ARHGAP30: variants seen among roughly 807,000 people sequenced by gnomAD.
ARHGAP30 encodes the protein rho GTPase-activating protein 30.
In ARHGAP30, 23 loss-of-function variants were observed where a neutral mutation model predicts 72.0. The ratio of observed to expected loss-of-function variants is 0.32; its 90% CI spans 0.23 to 0.45. The LOEUF (loss-of-function observed/expected upper bound fraction) is 0.45. ARHGAP30 is among the 20% of genes least tolerant of loss of function. The pLI, the probability that ARHGAP30 is intolerant of heterozygous loss-of-function variation, is 1.00. For missense variants in ARHGAP30, 1,319 were observed against 1,383.4 expected, an observed-to-expected ratio of 0.95 and a Z score of 0.74; for synonymous variants, 576 against 528.2, an observed-to-expected ratio of 1.09 and a Z score of -1.24.
intron 1 of ARHGAP30, among the ~76,000 whole-genome samples, chr1:161,062,502 GCAGATCA>G (rs1354945054): frequency 6.6e-6 from 1 of 151,968 alleles, no homozygotes; most frequent in Non-Finnish European, 1.5e-5. Flanking sequence ...GCCGAGGTGG[GCAGATCA>G]CTTGAGGTTT....
At chr1:161,053,721 T>G (rs957196533) in intron 5 of ARHGAP30, among the ~76,000 whole-genome samples, 3 of 152,198 alleles carry the variant, frequency 2.0e-5, no homozygotes, top group Admixed American at 6.5e-5. Context: ...CAGTGAGTGA[T>G]ATGCACAGTG....
At chr1:161,064,821 AAGAAAGAAAG>A (rs58027070) in intron 1 of ARHGAP30, among the ~76,000 whole-genome samples, 7,609 of 70,930 alleles carry the variant, frequency 0.11, 524 homozygotes, top group African/African-American at 0.31. Flanking sequence ...GAAAGAAAGA[AAGAAAGAAAG>A]AGAAAGAAAG....
chr1:161,064,795 G>GA (rs1171701383), intron 1 of ARHGAP30, among the ~76,000 whole-genome samples: 4 of 56,208 alleles, frequency 7.1e-5, no homozygotes, highest in East Asian at 4.3e-4. Flanking sequence ...AAGAAAGAAA[G>GA]AAAGAAAGAA....
rs186455713 is a variant in ARHGAP30 at position 161,053,647 on chromosome 1, G to A, written c.537-262C>T. Among the ~76,000 whole-genome samples the A allele has an allele frequency of 1.7e-3, 261 of 152,180 alleles. 1 individual carries two copies. Among genetic ancestry groups the A allele is most frequent in the Non-Finnish European group, 3.0e-3 (203 of 68,018 alleles). On this transcript the variant is annotated intron_variant, in intron 5 of 11. Transcript: ENST00000368013. Reference sequence around the variant, plus strand: ...AATCTCTATTTCCTTTGCACACCAGGGTGTCTAGTTTATAATGAATTTTAT... The same window carrying A: ...AATCTCTATTTCCTTTGCACACCAGAGTGTCTAGTTTATAATGAATTTTAT...
intron 3 of ARHGAP30, among the ~76,000 whole-genome samples, chr1:161,055,125 C>G (rs975772540): frequency 6.6e-6 from 1 of 152,162 alleles, no homozygotes; most frequent in African/African-American, 2.4e-5. Context: ...TGCTCTTATG[C>G]TCAATAAAGT....
intron 6 of ARHGAP30, chr1:161,053,026 C>G (rs888189482): frequency 8.2e-6 from 7 of 849,084 alleles, no homozygotes; most frequent in African/African-American, 5.1e-5. Context: ...TGAGCCATCA[C>G]TAGCCTTGGG....
chr1:161,047,035 C>G lies in ARHGAP30; in HGVS notation c.*680G>C. On this transcript the variant is annotated 3_prime_UTR_variant, in exon 12 of 12. Coordinates refer to ENST00000368013, the MANE Select transcript of ARHGAP30 (RefSeq NM_001025598.2). Reference sequence around the variant, plus strand: ...CTGGCTGGAGAAGCAGTCCCAGGGCCTGAGTGACACCATTTCCCTTTCCTG... The same window carrying G: ...CTGGCTGGAGAAGCAGTCCCAGGGCGTGAGTGACACCATTTCCCTTTCCTG... The G allele has an allele frequency of 2.2e-6, 1 of 460,614 alleles. No homozygotes were observed. Among genetic ancestry groups the G allele is most frequent in the South Asian group, 1.6e-5 (1 of 62,410 alleles). 28.5% of individuals were successfully genotyped at this position (460,614 alleles called of 1,614,324 possible). A position where few individuals can be genotyped will look rare whatever the true frequency, so the allele number is the denominator to read the frequency against.
chr1:161,066,644 C>CA (rs60662116), intron 1 of ARHGAP30, among the ~76,000 whole-genome samples: 1,265 of 75,038 alleles, frequency 0.017, 200 homozygotes, highest in African/African-American at 0.04. Flanking sequence ...GACTGCATCT[C>CA]AAAAAAAAAA....
At chr1:161,065,064 G>A (rs1652662128) in intron 1 of ARHGAP30, among the ~76,000 whole-genome samples, 1 of 152,006 alleles carries the variant, frequency 6.6e-6, no homozygotes, top group African/African-American at 2.4e-5. Flanking sequence ...TTTTGAGTTG[G>A]GGTGCATTCA....
At chr1:161,065,868 CTTA>C (rs1287642183) in intron 1 of ARHGAP30, among the ~76,000 whole-genome samples, 445 of 133,250 alleles carry the variant, frequency 3.3e-3, no homozygotes, top group Non-Finnish European at 5.3e-3. Context: ...CACCCGGCCC[CTTA>C]TTTATTTATT....
Position 161,064,779 on chromosome 1 carries a change from A to AAGAAAGAAAGAAAGAAAG in ARHGAP30, c.97+4748_97+4749insCTTTCTTTCTTTCTTTCT, listed in dbSNP as rs1306731099. On this transcript the variant is annotated intron_variant, in intron 1 of 11. Coordinates refer to ENST00000368013, the MANE Select transcript of ARHGAP30 (RefSeq NM_001025598.2). ...AGAAAGAGAAAGAAAGAAAGAAAGA[A>AAGAAAGAAAGAAAGAAAG]AAAGAAAGAAAGAAAGAAAGAAAGA... Among the ~76,000 whole-genome samples, 27 of 98,066 alleles carry AAGAAAGAAAGAAAGAAAG rather than the reference A, an allele frequency of 2.8e-4. 1 individual carries two copies. Among genetic ancestry groups the AAGAAAGAAAGAAAGAAAG allele is most frequent in the African/African-American group, 5.1e-4 (12 of 23,742 alleles). 64.3% of individuals were successfully genotyped at this position (98,066 alleles called of 152,430 possible). A position where few individuals can be genotyped will look rare whatever the true frequency, so the allele number is the denominator to read the frequency against.
rs60662116 is a variant in ARHGAP30 at position 161,066,644 on chromosome 1, C to CAAAAA, written c.97+2879_97+2883dup. On this transcript the variant is annotated intron_variant, in intron 1 of 11. Transcript: ENST00000368013. ...TGGGTGACAGAGCAAGACTGCATCT[C>CAAAAA]AAAAAAAAAAAAAAAAAAAAAAAAA... Among the ~76,000 whole-genome samples, 94 of 75,074 alleles carry CAAAAA rather than the reference C, an allele frequency of 1.3e-3. 8 individuals carry two copies. Among genetic ancestry groups the CAAAAA allele is most frequent in the South Asian group, 4.3e-3 (8 of 1,864 alleles). 49.3% of individuals were successfully genotyped at this position (75,074 alleles called of 152,430 possible).
intron 1 of ARHGAP30, among the ~76,000 whole-genome samples, chr1:161,067,688 G>A (rs1020468662): frequency 1.3e-5 from 2 of 152,198 alleles, no homozygotes; most frequent in African/African-American, 4.8e-5. Context: ...GCAAAGAGCT[G>A]GAGAGAGGGC....
intron 1 of ARHGAP30, among the ~76,000 whole-genome samples, chr1:161,064,748 CAAGAAAGAAAGAGA>C (rs1271456776): frequency 3.8e-4 from 39 of 102,626 alleles, no homozygotes; most frequent in Admixed American, 3.0e-3. Flanking sequence ...CAGAGTAAGA[CAAGAAAGAAAGAGA>C]AAGAAAGAAA....
chr1:161,049,203 C>G lies in ARHGAP30; in HGVS notation c.1818G>C (p.Glu606Asp). The G allele has an allele frequency of 6.2e-7, 1 of 1,614,148 alleles. No homozygotes were observed. Among genetic ancestry groups the G allele is most frequent in the Non-Finnish European group, 8.5e-7 (1 of 1,179,992 alleles). The change falls in exon 12 of 12, where the codon GAG (glutamate) becomes GAC (aspartate). Residue 606 changes from glutamate to aspartate, a missense_variant. Around this residue, in one of 2 missense-constraint regions of ARHGAP30, gnomAD observed 1,097 missense variants for 1,045.2 expected, o/e 1.05. Coordinates refer to ENST00000368013, the MANE Select transcript of ARHGAP30 (RefSeq NM_001025598.2). ...CATCATAGGCACTCAGGAAAACTTCCTCCCCATTTTCCTCCTCAACTTCAG... is the reference window on the plus strand; with the variant it reads ...CATCATAGGCACTCAGGAAAACTTCGTCCCCATTTTCCTCCTCAACTTCAG... Reference protein sequence around the residue: ...PRPEVEEENGEEVFLSAYDDL... With the variant: ...PRPEVEEENGDEVFLSAYDDL...
intron 1 of ARHGAP30, among the ~76,000 whole-genome samples, chr1:161,065,653 G>A (rs1003031433): frequency 1.6e-4 from 23 of 148,086 alleles, no homozygotes; most frequent in African/African-American, 4.8e-4. Flanking sequence ...TGCAACCTCC[G>A]CCTCCCAGAT....
intron 3 of ARHGAP30, 56 bp from the exon 4 acceptor site, chr1:161,054,761 A>T: frequency 6.7e-7 from 1 of 1,499,270 alleles, no homozygotes; most frequent in Non-Finnish European, 9.3e-7. Context: ...GCCCCTGCTT[A>T]CTCCCCAGAG....
chr1:161,054,591 A>G, intron 4 of ARHGAP30, 32 bp downstream of exon 4: 1 of 1,610,892 alleles, frequency 6.2e-7, no homozygotes, highest in South Asian at 1.1e-5. Flanking sequence ...GAGTTGTCTC[A>G]GGTTGCTGGG....
At chr1:161,050,271 A>G (rs1213172955) in intron 10 of ARHGAP30, among the ~76,000 whole-genome samples, 1 of 150,204 alleles carries the variant, frequency 6.7e-6, no homozygotes, top group African/African-American at 2.5e-5. Flanking sequence ...AAACAAACCA[A>G]TCCTGCAATC....
Sources: gnomAD v4.1 joint callset for allele counts (sites outside exome capture counted in the v4.1 genomes callset) on GRCh38, gnomAD v4.1.1 for gene constraint, gnomAD v4.1.1 regional missense constraint, MANE v1.5 for transcripts, NCBI Gene and HGNC (gene_info 2026-07-23, HGNC 2026-07-21) for gene names.